Variants in ABHD2 observed in about 807,000 individuals in gnomAD.
ABHD2 encodes the protein monoacylglycerol lipase ABHD2.
ABHD2 carries 20 observed loss-of-function variants against 48.1 expected under a neutral mutation model. The ratio of observed to expected loss-of-function variants is 0.42; its 90% CI spans 0.29 to 0.60. The LOEUF is 0.60. Ranked by LOEUF, ABHD2 falls within the 20% of genes least tolerant of loss-of-function variation. The probability of loss-of-function intolerance (pLI) is 0.24; values close to 1 mark genes in which losing one functional copy is unlikely to be tolerated. For missense variants in ABHD2, 405 were observed against 550.9 expected (o/e 0.74, Z 2.65); for synonymous variants, 209 against 214.2 (o/e 0.98, Z 0.21).
In ABHD2 at chr15:89,104,424, C is replaced by T. The variant is rs148878896; in HGVS notation, c.-106-9301C>T. ...CATTGGTCGGGTTTCCTCACAAATG[C>T]CTGCCATGGTGAAATGCAAGACTGT... On this transcript the variant is annotated intron_variant, in intron 1 of 10. Coordinates refer to ENST00000352732, the MANE Select transcript of ABHD2 (RefSeq NM_152924.5). This position sits in a 1 kb window ranked among gnomAD's most constrained non-coding sequence, Gnocchi z 4.4. Among the ~76,000 whole-genome samples the T allele has an allele frequency of 4.6e-5, 7 of 152,104 alleles. No individual in the cohort carries two copies. The highest frequency in any genetic ancestry group is 3.4e-3 in the Middle Eastern group (1 of 294).
chr15:89,147,831 G>A (rs890914964), intron 3 of ABHD2, among the ~76,000 whole-genome samples: 26 of 150,954 alleles, frequency 1.7e-4, no homozygotes, highest in African/African-American at 5.8e-4. Context: ...AACTAGGGCC[G>A]GGCACAGTGG....
chr15:89,195,648 G>T lies in ABHD2; in HGVS notation c.*225G>T. 2.1e-6 allele frequency: 1 copy of T among 482,898 alleles called. No individual in the cohort carries two copies. 29.9% of individuals were successfully genotyped at this position (482,898 alleles called of 1,614,324 possible). ...TTTTCTCCATTGCATTGTTAGGCATGGTGACAAGTGACAGAGTTCTTGCCC... is the reference window on the plus strand; with the variant it reads ...TTTTCTCCATTGCATTGTTAGGCATTGTGACAAGTGACAGAGTTCTTGCCC... On this transcript the variant is annotated 3_prime_UTR_variant, in exon 11 of 11. Transcript: ENST00000352732. The surrounding 1 kb of genome is among the most constrained non-coding windows in gnomAD (Gnocchi z 5.1).
chr15:89,121,038 C>T (rs940728215), intron 3 of ABHD2, among the ~76,000 whole-genome samples: 10 of 152,296 alleles, frequency 6.6e-5, no homozygotes, highest in African/African-American at 2.4e-4. Flanking sequence ...TGTCTACTCA[C>T]GTTTGACTTT....
the ABHD2 span, among the ~76,000 whole-genome samples, chr15:89,068,196 G>GCACACACACACA: frequency 7.3e-5 from 11 of 149,804 alleles, no homozygotes; most frequent in African/African-American, 2.7e-4. Context: ...ATGTGCGCGT[G>GCACACACACACA]CACACACACA....
At chr15:89,194,786 CAA>C (rs2051368145) in intron 10 of ABHD2, among the ~76,000 whole-genome samples, 1 of 152,152 alleles carries the variant, frequency 6.6e-6, no homozygotes, top group African/African-American at 2.4e-5. Context: ...TTTTGATGCA[CAA>C]AGTTAGGAAA....
At chr15:89,053,848 G>T in the ABHD2 span, among the ~76,000 whole-genome samples, 1 of 152,304 alleles carries the variant, frequency 6.6e-6, no homozygotes, top group South Asian at 2.1e-4. Context: ...CTGCCAAGCT[G>T]CCAGAGCTCT....
the ABHD2 span, among the ~76,000 whole-genome samples, chr15:89,064,716 C>G: frequency 6.6e-6 from 1 of 152,226 alleles, no homozygotes; most frequent in Non-Finnish European, 1.5e-5. Context: ...AGATTGCTAA[C>G]AATGAACACT....
At chr15:89,081,201 G>A in the ABHD2 span, among the ~76,000 whole-genome samples, 9 of 59,994 alleles carry the variant, frequency 1.5e-4, no homozygotes, top group Non-Finnish European at 2.7e-4. Flanking sequence ...TTACTTTTTT[G>A]TAGAGACAGG....
intron 3 of ABHD2, among the ~76,000 whole-genome samples, chr15:89,149,196 G>A (rs1227559266): frequency 6.7e-6 from 1 of 148,460 alleles, no homozygotes; most frequent in Non-Finnish European, 1.5e-5. Context: ...CCAAGTGATT[G>A]TGAGGCAATT....
intron 9 of ABHD2, among the ~76,000 whole-genome samples, chr15:89,191,907 G>A (rs146846891): frequency 1.3e-3 from 192 of 144,058 alleles, no homozygotes; most frequent in African/African-American, 4.5e-3. Context: ...GATTACAGGC[G>A]TGAGACACCA....
chr15:89,063,950 G>A, the ABHD2 span, among the ~76,000 whole-genome samples: 35 of 152,072 alleles, frequency 2.3e-4, no homozygotes, highest in South Asian at 6.2e-4. Context: ...AACAGGCCAC[G>A]GACAGGTGCC....
upstream of ABHD2, among the ~76,000 whole-genome samples, chr15:89,085,931 C>A (rs1394451853): frequency 6.6e-6 from 1 of 152,196 alleles, no homozygotes; most frequent in Non-Finnish European, 1.5e-5. This position sits in a 1 kb window ranked among gnomAD's most constrained non-coding sequence, Gnocchi z 4.2. Context: ...GTATGGCTAC[C>A]AAGCAGCACT....
intron 4 of ABHD2, among the ~76,000 whole-genome samples, chr15:89,152,729 A>G (rs1226750578): frequency 6.6e-6 from 1 of 152,212 alleles, no homozygotes; most frequent in East Asian, 1.9e-4. Context: ...GCAGTGGTCT[A>G]GGACACCTAT....
the ABHD2 span, among the ~76,000 whole-genome samples, chr15:89,051,825 G>T: frequency 6.6e-6 from 1 of 152,158 alleles, no homozygotes; most frequent in Non-Finnish European, 1.5e-5. Flanking sequence ...AAATTACCCA[G>T]TCTCAGGTGT....
At chr15:89,075,621 T>C in the ABHD2 span, among the ~76,000 whole-genome samples, 3 of 152,142 alleles carry the variant, frequency 2.0e-5, no homozygotes, top group Non-Finnish European at 4.4e-5. This position sits in a 1 kb window ranked among gnomAD's most constrained non-coding sequence, Gnocchi z 4.1. Context: ...GTTTGAATGT[T>C]ATCATTTGGG....
intron 3 of ABHD2, among the ~76,000 whole-genome samples, chr15:89,122,034 T>A (rs906467082): frequency 2.6e-5 from 4 of 152,208 alleles, no homozygotes; most frequent in Admixed American, 6.5e-5. Context: ...CCCATTATGT[T>A]GCCCAGTCTG....
intron 3 of ABHD2, among the ~76,000 whole-genome samples, chr15:89,143,310 T>C (rs576435674): frequency 1.3e-5 from 2 of 152,376 alleles, no homozygotes; most frequent in African/African-American, 4.8e-5. Context: ...GTTGATTCTT[T>C]GAACGAACCA....
chr15:89,125,244 G>T (rs1189847023), intron 3 of ABHD2, among the ~76,000 whole-genome samples: 1 of 149,382 alleles, frequency 6.7e-6, no homozygotes, highest in Non-Finnish European at 1.5e-5. Flanking sequence ...GACAGAGGGA[G>T]ACTCCATGTC....
chr15:89,060,162 C>T, the ABHD2 span, among the ~76,000 whole-genome samples: 1 of 146,286 alleles, frequency 6.8e-6, no homozygotes. Flanking sequence ...GCGATCTCAG[C>T]TCACTGCAAC....
Sources: gnomAD v4.1 joint callset for allele counts (sites outside exome capture counted in the v4.1 genomes callset) on GRCh38, gnomAD v4.1.1 for gene constraint, Gnocchi (gnomAD v3.1) non-coding constraint, MANE v1.5 for transcripts, NCBI Gene and HGNC (gene_info 2026-07-23, HGNC 2026-07-21) for gene names.